TBC1D5: variants seen among roughly 807,000 people sequenced by gnomAD.
TBC1D5 encodes TBC1 domain family member 5, also known as TBC1 domain family, member 5.
Under a neutral mutation model 100.3 loss-of-function variants are expected in TBC1D5, and 75 were observed. That is an observed-to-expected ratio of 0.75 (90% CI 0.62 to 0.91). The LOEUF is 0.91. TBC1D5 is among the 40% of genes least tolerant of loss of function. TBC1D5 has a pLI of 0.00. For synonymous variants in TBC1D5, 323 were observed against 325.6 expected, an observed-to-expected ratio of 0.99 and a Z score of 0.09; for missense variants, 910 against 942.4, an observed-to-expected ratio of 0.97 and a Z score of 0.45.
chr3:17,256,743 T>C (rs2077729956), intron 16 of TBC1D5, among the ~76,000 whole-genome samples: 1 of 152,122 alleles, frequency 6.6e-6, no homozygotes, highest in Admixed American at 6.5e-5. Flanking sequence ...GTGGAGACGT[T>C]GGGGAGACAG....
chr3:17,402,053 T>A (rs2093663211), intron 8 of TBC1D5, among the ~76,000 whole-genome samples: 1 of 152,120 alleles, frequency 6.6e-6, no homozygotes, highest in Non-Finnish European at 1.5e-5. Context: ...CTAACCAAAA[T>A]CATCCCAAAC....
At chr3:17,318,251 T>C (rs896443956) in intron 13 of TBC1D5, among the ~76,000 whole-genome samples, 1 of 140,164 alleles carries the variant, frequency 7.1e-6, no homozygotes, top group African/African-American at 2.6e-5. Context: ...GGGGGAGGGA[T>C]AGCTTTAGGA....
At chr3:17,365,245 C>T (rs1207541317) in intron 13 of TBC1D5, among the ~76,000 whole-genome samples, 2 of 151,972 alleles carry the variant, frequency 1.3e-5, no homozygotes, top group African/African-American at 4.8e-5. Flanking sequence ...GATTTTTGTT[C>T]GCCTCTCAGT....
chr3:17,344,521 C>T (rs2089557753), intron 13 of TBC1D5, among the ~76,000 whole-genome samples: 1 of 151,640 alleles, frequency 6.6e-6, no homozygotes, highest in Non-Finnish European at 1.5e-5. Flanking sequence ...AATGCCATCC[C>T]CATCAAGCTA....
intron 3 of TBC1D5, among the ~76,000 whole-genome samples, chr3:17,454,820 T>G (rs1056345025): frequency 2.6e-5 from 4 of 152,080 alleles, no homozygotes; most frequent in African/African-American, 9.7e-5. Context: ...ATAAAAAAAG[T>G]AATCCCATTT....
chr3:17,303,487 A>G (rs1266426668), intron 14 of TBC1D5, among the ~76,000 whole-genome samples: 6 of 152,068 alleles, frequency 3.9e-5, no homozygotes, highest in African/African-American at 1.4e-4. Context: ...GCCTTTTCCT[A>G]TTAGGATCCT....
intron 1 of TBC1D5, among the ~76,000 whole-genome samples, chr3:17,626,312 A>G (rs909644491): frequency 6.6e-6 from 1 of 152,214 alleles, no homozygotes; most frequent in East Asian, 1.9e-4. Flanking sequence ...TATAAAGTCC[A>G]TGAAAGCTGA....
At chr3:17,578,217 C>T (rs2096669774) in intron 2 of TBC1D5, among the ~76,000 whole-genome samples, 2 of 152,000 alleles carry the variant, frequency 1.3e-5, no homozygotes, top group African/African-American at 4.8e-5. Context: ...GACTTATCTA[C>T]AAGACAAACC....
At chr3:17,207,228 C>T (rs74283412) in intron 18 of TBC1D5, among the ~76,000 whole-genome samples, 14 of 152,108 alleles carry the variant, frequency 9.2e-5, no homozygotes, top group African/African-American at 3.1e-4. Flanking sequence ...GATTTGGCAA[C>T]AATCATAGAA....
chr3:17,697,991 C>T (rs1177987846), intron 1 of TBC1D5, among the ~76,000 whole-genome samples: 1 of 151,630 alleles, frequency 6.6e-6, no homozygotes, highest in African/African-American at 2.4e-5. Flanking sequence ...AGATTCAATG[C>T]CATCCCCATC....
chr3:17,355,516 T>C (rs1429370154), intron 13 of TBC1D5, among the ~76,000 whole-genome samples: 4 of 152,170 alleles, frequency 2.6e-5, no homozygotes, highest in Non-Finnish European at 4.4e-5. Context: ...TAAAGTAATA[T>C]TGAAGAACAC....
At chr3:17,299,676 G>A (rs2082623813) in intron 14 of TBC1D5, among the ~76,000 whole-genome samples, 1 of 151,974 alleles carries the variant, frequency 6.6e-6, no homozygotes. Context: ...GGCTAACATG[G>A]TGAAACCCCG....
chr3:17,363,943 A>G (rs574082120), intron 13 of TBC1D5, among the ~76,000 whole-genome samples: 1 of 151,686 alleles, frequency 6.6e-6, no homozygotes, highest in African/African-American at 2.4e-5. Context: ...GGAAAAATTT[A>G]CATTGAATTT....
At chr3:17,396,956 A>ACTT (rs1455738100) in intron 8 of TBC1D5, among the ~76,000 whole-genome samples, 10 of 152,104 alleles carry the variant, frequency 6.6e-5, no homozygotes, top group African/African-American at 2.4e-4. Context: ...TGTCCAAAGA[A>ACTT]CTTTCTGTAA....
intron 14 of TBC1D5, among the ~76,000 whole-genome samples, chr3:17,303,379 C>G (rs1372824056): frequency 6.6e-6 from 1 of 152,216 alleles, no homozygotes; most frequent in Non-Finnish European, 1.5e-5. Flanking sequence ...GAATGGTTGA[C>G]TCTGAATAAT....
chr3:17,346,587 A>G (rs2089912201), intron 13 of TBC1D5, among the ~76,000 whole-genome samples: 1 of 152,170 alleles, frequency 6.6e-6, no homozygotes, highest in African/African-American at 2.4e-5. Context: ...TTTATTCAGT[A>G]AAACCCATCA....
chr3:17,401,339 GTATAATATACATATATA>G (rs1437078749), intron 8 of TBC1D5, among the ~76,000 whole-genome samples: 3 of 21,130 alleles, frequency 1.4e-4, no homozygotes, highest in Non-Finnish European at 2.8e-4. Context: ...ATACATATAT[GTATAATATACATATATA>G]TGTATGTGTA....
At chr3:17,631,634 C>T (rs1265730591) in intron 1 of TBC1D5, among the ~76,000 whole-genome samples, 1 of 152,198 alleles carries the variant, frequency 6.6e-6, no homozygotes, top group Non-Finnish European at 1.5e-5. Context: ...AGGTCTAATG[C>T]AGCTGGTGAC....
chr3:17,234,189 T>C (rs1412241415), intron 17 of TBC1D5, among the ~76,000 whole-genome samples: 1 of 152,108 alleles, frequency 6.6e-6, no homozygotes, highest in African/African-American at 2.4e-5. Flanking sequence ...AACCAACTTC[T>C]TCAGTGATAA....
Sources: allele counts gnomAD v4.1 joint callset (sites outside exome capture counted in the v4.1 genomes callset), GRCh38; gene constraint gnomAD v4.1.1; transcripts MANE v1.5; gene names NCBI Gene and HGNC (gene_info 2026-07-23, HGNC 2026-07-21).